The following ARIH1 variants were observed in gnomAD, a reference collection of about 807,000 sequenced individuals.
ARIH1 encodes E3 ubiquitin-protein ligase ARIH1.
A neutral mutation model predicts 85.0 loss-of-function variants in ARIH1; 8 were observed. That is an observed-to-expected ratio of 0.09 (90% CI 0.06 to 0.17). ARIH1 has a LOEUF of 0.17. Ranked by LOEUF, ARIH1 falls within the 10% of genes least tolerant of loss-of-function variation. ARIH1 has a pLI of 1.00. For missense variants in ARIH1, 311 were observed against 718.1 expected (o/e 0.43, Z 6.48); for synonymous variants, 238 against 253.6 (o/e 0.94, Z 0.59).
chr15:72,475,047 C>T (rs1316663858), intron 1 of ARIH1, 33 bp downstream of exon 1: 1 of 1,546,744 alleles, frequency 6.5e-7, no homozygotes, highest in Non-Finnish European at 8.7e-7. Flanking sequence ...CTGGACCGGG[C>T]CCGACGGGGG....
At chr15:72,580,549 A>T (rs1490017379) in intron 11 of ARIH1, 182 bp from the exon 12 acceptor site, 9 of 613,128 alleles carry the variant, frequency 1.5e-5, no homozygotes, top group Non-Finnish European at 2.5e-5. Context: ...CATTCCCATC[A>T]ACAGTGTATC....
chr15:72,511,170 G>T (rs935598471), intron 1 of ARIH1, among the ~76,000 whole-genome samples: 1 of 152,072 alleles, frequency 6.6e-6, no homozygotes, highest in Non-Finnish European at 1.5e-5. Context: ...GCAGTTTTCC[G>T]TGTACACGTT....
rs147408829 is a variant in ARIH1 at position 72,518,107 on chromosome 15, A to G, written c.416A>G (p.Asn139Ser). Residue 139 changes from asparagine to serine, a missense_variant, in exon 2 of 14, where the codon AAT becomes AGT. Physicochemically the swap from Asn to Ser is conservative, Grantham distance 46. This residue lies in a region of ARIH1 where 104 missense variants were observed against 221.4 expected (regional missense o/e 0.47). Transcript: ENST00000379887. ...TITRILLSHF[N>S]WDKEKLMERY... ...ACAAGAATACTCCTTAGCCACTTCA[A>G]TTGGGATAAAGAGAAGCTAATGGAA... The G allele has an allele frequency of 3.4e-5, 54 of 1,611,752 alleles. No homozygotes were observed. Among genetic ancestry groups the G allele is most frequent in the African/African-American group, 8.0e-5 (6 of 74,964 alleles).
Position 72,589,033 on chromosome 15 carries a change from T to G in ARIH1, c.*5741T>G, listed in dbSNP as rs1360248528. 1 of 152,170 alleles carries G rather than the reference T, an allele frequency of 6.6e-6. No individual in the cohort carries two copies. The allele number at this position is 152,170 out of a possible 1,614,324, so 9.4% of individuals were successfully genotyped here. A position where few individuals can be genotyped will look rare whatever the true frequency, so the allele number is the denominator to read the frequency against. On this transcript the variant is annotated 3_prime_UTR_variant, in exon 14 of 14. Coordinates refer to ENST00000379887, the MANE Select transcript of ARIH1 (RefSeq NM_005744.5). ...TTCAAGTGTGGTATAGTAGTAAGAA[T>G]ATTGGTATTTCTCAGCCATAGATTT...
intron 11 of ARIH1, among the ~76,000 whole-genome samples, chr15:72,574,633 CT>C (rs1306503289): frequency 6.6e-6 from 1 of 152,214 alleles, no homozygotes; most frequent in Non-Finnish European, 1.5e-5. Flanking sequence ...GGTCAGCAAA[CT>C]TTTTCTGTGA....
intron 2 of ARIH1, among the ~76,000 whole-genome samples, chr15:72,531,343 G>C (rs2064055893): frequency 6.6e-6 from 1 of 152,166 alleles, no homozygotes; most frequent in Non-Finnish European, 1.5e-5. Context: ...TCTCAGCTCA[G>C]TGCAGCTTGC....
chr15:72,513,573 G>A (rs77470117), intron 1 of ARIH1, among the ~76,000 whole-genome samples: 2,947 of 152,034 alleles, frequency 0.019, 49 homozygotes, highest in East Asian at 0.084. Flanking sequence ...CATTTCTGTC[G>A]CTTTTCCTTC....
rs557532346 is a variant in ARIH1, at chr15:72,490,415, G to A, written c.375+15401G>A. Among the ~76,000 whole-genome samples the A allele has an allele frequency of 2.5e-4, 38 of 152,178 alleles. No homozygotes were observed. In the East Asian group the frequency reaches 6.8e-3, roughly 27 times the overall value. ...CTCTGCCTCGTGTCAGATTGGCAGCGGCATTAGATTCTCATAGGAGTGCAA... is the reference window on the plus strand; with the variant it reads ...CTCTGCCTCGTGTCAGATTGGCAGCAGCATTAGATTCTCATAGGAGTGCAA... On this transcript the variant is annotated intron_variant, in intron 1 of 13. Coordinates refer to ENST00000379887, the MANE Select transcript of ARIH1 (RefSeq NM_005744.5).
chr15:72,533,605 A>T (rs1295000325), intron 2 of ARIH1, among the ~76,000 whole-genome samples: 4 of 152,208 alleles, frequency 2.6e-5, no homozygotes, highest in Non-Finnish European at 4.4e-5. Flanking sequence ...CAATAGAAAG[A>T]AATACGTGCA....
intron 7 of ARIH1, among the ~76,000 whole-genome samples, chr15:72,563,959 A>G (rs1364226783): frequency 6.6e-6 from 1 of 152,108 alleles, no homozygotes; most frequent in Non-Finnish European, 1.5e-5. Context: ...TTGGAGTTCT[A>G]TAGTATACTC....
intron 1 of ARIH1, among the ~76,000 whole-genome samples, chr15:72,479,910 C>T (rs1439428624): frequency 2.0e-5 from 3 of 151,822 alleles, no homozygotes; most frequent in Non-Finnish European, 4.4e-5. Flanking sequence ...CTTTGTTGCC[C>T]AGGCTGGAGT....
chr15:72,567,867 T>C (rs148111911), intron 9 of ARIH1, among the ~76,000 whole-genome samples: 142 of 152,282 alleles, frequency 9.3e-4, no homozygotes, highest in African/African-American at 3.2e-3. Flanking sequence ...ATTTTGTACA[T>C]GTAAAGATGA....
At chr15:72,498,479 G>A (rs4776599) in intron 1 of ARIH1, among the ~76,000 whole-genome samples, 133,383 of 152,250 alleles carry the variant, frequency 0.88, 61,091 homozygotes, top group East Asian at 1. Context: ...AGAAGGCTGA[G>A]TGTTTTCAAA....
chr15:72,534,103 A>G (rs1197107354), intron 2 of ARIH1, among the ~76,000 whole-genome samples: 1 of 152,192 alleles, frequency 6.6e-6, no homozygotes, highest in Non-Finnish European at 1.5e-5. Flanking sequence ...AAACATAGTG[A>G]AAAGAAAAGG....
rs2064122975 is a variant in ARIH1, at chr15:72,545,056, C to T, written c.588+92C>T. The stretch of plus-strand genomic sequence containing the variant: ...TTTAAACAAAGGAAAATTTGTGGGT[C>T]TGGGAGTAGTAACCTCTAAGCCATA... On this transcript the variant is annotated intron_variant, in intron 3 of 13. Transcript: ENST00000379887. The T allele has an allele frequency of 7.4e-6, 9 of 1,208,868 alleles. No individual in the cohort carries two copies. The East Asian group carries it at 2.2e-4, about 30-fold the overall frequency. 74.9% of individuals were successfully genotyped at this position (1,208,868 alleles called of 1,614,324 possible).
chr15:72,506,356 A>AAAAAAAAAAAAAAG (rs1173074425), intron 1 of ARIH1, among the ~76,000 whole-genome samples: 1 of 148,450 alleles, frequency 6.7e-6, no homozygotes, highest in Admixed American at 6.7e-5. Flanking sequence ...TCTCACAAAA[A>AAAAAAAAAAAAAAG]AAAAAAAAAG....
chr15:72,594,481 A>AC lies in ARIH1; in HGVS notation c.*11189_*11190insC. The AC allele has an allele frequency of 6.6e-6, 1 of 151,896 alleles. No individual in the cohort carries two copies. The highest frequency in any genetic ancestry group is 1.5e-5 in the Non-Finnish European group (1 of 67,964). 9.4% of individuals were successfully genotyped at this position (151,896 alleles called of 1,614,324 possible). On this transcript the variant is annotated 3_prime_UTR_variant, in exon 14 of 14. Coordinates refer to ENST00000379887, the MANE Select transcript of ARIH1 (RefSeq NM_005744.5). ...CCGCGCCTGGCTAATTTTCATTTTT[A>AC]AGTTGTTTGCTGCTAGTATCTAGAA...
intron 5 of ARIH1, among the ~76,000 whole-genome samples, chr15:72,557,745 A>G (rs2064180797): frequency 6.6e-6 from 1 of 152,168 alleles, no homozygotes; most frequent in Non-Finnish European, 1.5e-5. Context: ...TATAGGGGTC[A>G]AGTTTCATTC....
chr15:72,569,746 A>G (rs1373451352), intron 9 of ARIH1, among the ~76,000 whole-genome samples: 2 of 152,200 alleles, frequency 1.3e-5, no homozygotes, highest in East Asian at 3.9e-4. Context: ...CTCCTATAGT[A>G]CTGTTATTAC....
Sources: allele counts gnomAD v4.1 joint callset (sites outside exome capture counted in the v4.1 genomes callset), GRCh38; gene constraint gnomAD v4.1.1; regional missense constraint gnomAD v4.1.1; transcripts MANE v1.5; gene names NCBI Gene and HGNC (gene_info 2026-07-23, HGNC 2026-07-21).